The following SUMF1 variants were observed in gnomAD, a reference collection of about 807,000 sequenced individuals.
SUMF1 encodes formylglycine-generating enzyme.
A neutral mutation model predicts 47.6 loss-of-function variants in SUMF1; 48 were observed. The ratio of observed to expected loss-of-function variants is 1.01; its 90% CI spans 0.80 to 1.28. The LOEUF (loss-of-function observed/expected upper bound fraction) is 1.28. Among genes scored for constraint, SUMF1 ranks in the 50% most tolerant of loss-of-function variants. The pLI is 0.00. For missense variants in SUMF1, 571 were observed against 485.4 expected, an observed-to-expected ratio of 1.18 and a Z score of -1.66; for synonymous variants, 230 against 192.1, an observed-to-expected ratio of 1.20 and a Z score of -1.63.
At chr3:4,192,652 C>A (rs1695344483) in intron 8 of SUMF1, among the ~76,000 whole-genome samples, 1 of 152,066 alleles carries the variant, frequency 6.6e-6, no homozygotes, top group African/African-American at 2.4e-5. Flanking sequence ...AGGTTCCTTG[C>A]ATAATACATG....
At chr3:4,418,856 G>A (rs1378015802) in intron 4 of SUMF1, among the ~76,000 whole-genome samples, 1 of 152,132 alleles carries the variant, frequency 6.6e-6, no homozygotes, top group East Asian at 1.9e-4. Flanking sequence ...AAAAAACTGA[G>A]AAAAAGGGGA....
At chr3:4,268,692 TC>T (rs995232426) in intron 8 of SUMF1, among the ~76,000 whole-genome samples, 2 of 151,644 alleles carry the variant, frequency 1.3e-5, no homozygotes, top group African/African-American at 4.8e-5. Flanking sequence ...AAAAAAAAAA[TC>T]TATCCAGTGC....
intron 8 of SUMF1, among the ~76,000 whole-genome samples, chr3:4,227,628 G>T (rs1034744998): frequency 1.3e-5 from 2 of 152,112 alleles, no homozygotes; most frequent in Admixed American, 6.6e-5. Flanking sequence ...GACCAGAAAA[G>T]AGAAACCTTA....
chr3:4,259,987 C>T (rs1288114458), intron 8 of SUMF1, among the ~76,000 whole-genome samples: 1 of 149,454 alleles, frequency 6.7e-6, no homozygotes, highest in East Asian at 2.0e-4. Context: ...TCTCAAATAT[C>T]ATAACATATG....
intron 8 of SUMF1, among the ~76,000 whole-genome samples, chr3:4,201,918 T>C (rs1121798): frequency 0.69 from 104,458 of 151,906 alleles, 36,059 homozygotes; most frequent in African/African-American, 0.73. Context: ...GCAATGTCTA[T>C]TGAGATCTTT....
intron 8 of SUMF1, among the ~76,000 whole-genome samples, chr3:4,219,618 T>C (rs1277450705): frequency 2.6e-5 from 4 of 152,188 alleles, no homozygotes; most frequent in Non-Finnish European, 5.9e-5. Context: ...TGGCCTGCCA[T>C]GGATCTGTAT....
At chr3:4,038,018 T>C (rs182101726) in intron 9 of SUMF1, among the ~76,000 whole-genome samples, 1 of 152,298 alleles carries the variant, frequency 6.6e-6, no homozygotes, top group East Asian at 1.9e-4. Context: ...TCAGTTGCTG[T>C]GTTCTCGGTC....
chr3:4,193,394 C>CCA (rs1559553580), intron 8 of SUMF1, among the ~76,000 whole-genome samples: 1 of 151,986 alleles, frequency 6.6e-6, no homozygotes. Flanking sequence ...ATTTATCAGA[C>CCA]TTGAGGGGAT....
chr3:4,416,833 T>C (rs1025002489), intron 6 of SUMF1, among the ~76,000 whole-genome samples: 5 of 152,206 alleles, frequency 3.3e-5, no homozygotes, highest in Non-Finnish European at 5.9e-5. Flanking sequence ...TGCACCAATA[T>C]GCTAACAGGT....
chr3:4,133,153 G>A (rs972477740), intron 8 of SUMF1, among the ~76,000 whole-genome samples: 1 of 152,122 alleles, frequency 6.6e-6, no homozygotes, highest in African/African-American at 2.4e-5. Flanking sequence ...ACATGTTTGT[G>A]CATGTATACA....
intron 8 of SUMF1, among the ~76,000 whole-genome samples, chr3:4,327,345 G>A (rs1698966201): frequency 1.3e-5 from 2 of 152,124 alleles, no homozygotes; most frequent in Admixed American, 6.6e-5. Context: ...TCTGAAATCT[G>A]CCTTTAATAG....
intron 8 of SUMF1, among the ~76,000 whole-genome samples, chr3:4,236,480 T>C (rs2124990015): frequency 6.6e-6 from 1 of 152,158 alleles, no homozygotes; most frequent in Middle Eastern, 3.4e-3. Context: ...TTAGCCAGGC[T>C]CGCAGGCACC....
At chr3:4,457,718 C>A (rs1359325953) in intron 1 of SUMF1, among the ~76,000 whole-genome samples, 3 of 152,272 alleles carry the variant, frequency 2.0e-5, no homozygotes, top group African/African-American at 7.2e-5. Flanking sequence ...ACCCTTATCT[C>A]ACAGCATATA....
intron 8 of SUMF1, among the ~76,000 whole-genome samples, chr3:4,198,347 T>C (rs1574970793): frequency 6.6e-6 from 1 of 152,070 alleles, no homozygotes; most frequent in Non-Finnish European, 1.5e-5. Context: ...TCTGCAGAGA[T>C]CATTCTGAAG....
At chr3:4,265,076 G>A (rs1427160130) in intron 8 of SUMF1, among the ~76,000 whole-genome samples, 1 of 145,686 alleles carries the variant, frequency 6.9e-6, no homozygotes, top group Non-Finnish European at 1.5e-5. Flanking sequence ...GGTGGAGGCT[G>A]CAGTGAGCCA....
At chr3:4,253,922 T>A (rs313666) in intron 8 of SUMF1, among the ~76,000 whole-genome samples, 30 of 146,452 alleles carry the variant, frequency 2.0e-4, no homozygotes, top group Admixed American at 3.4e-4. Context: ...ATCTGAGAAC[T>A]GGCAGACTGC....
intron 8 of SUMF1, among the ~76,000 whole-genome samples, chr3:4,231,875 C>G (rs1187755767): frequency 6.6e-6 from 1 of 152,144 alleles, no homozygotes; most frequent in African/African-American, 2.4e-5. Context: ...AATGTATCAA[C>G]TCTCAGAGTG....
At chr3:4,178,314 C>A (rs1202677072) in intron 8 of SUMF1, among the ~76,000 whole-genome samples, 2 of 152,158 alleles carry the variant, frequency 1.3e-5, no homozygotes, top group African/African-American at 2.4e-5. Flanking sequence ...CAAACCGAAT[C>A]CAGCAGCATA....
intron 8 of SUMF1, among the ~76,000 whole-genome samples, chr3:4,142,366 C>T (rs899242390): frequency 3.3e-5 from 5 of 152,132 alleles, no homozygotes; most frequent in African/African-American, 1.2e-4. Context: ...ATGTTTAACA[C>T]ATATTGCTGT....
Sources: allele counts gnomAD v4.1 joint callset (sites outside exome capture counted in the v4.1 genomes callset), GRCh38; gene constraint gnomAD v4.1.1; transcripts MANE v1.5; gene names NCBI Gene and HGNC (gene_info 2026-07-23, HGNC 2026-07-21).